The following MEP1A variants were observed in gnomAD, a reference collection of about 807,000 sequenced individuals.
The protein encoded by MEP1A is meprin A subunit alpha.
MEP1A carries 68 observed loss-of-function variants against 84.5 expected under a neutral mutation model. The ratio of observed to expected loss-of-function variants is 0.80; its 90% confidence interval spans 0.66 to 0.98. The LOEUF (loss-of-function observed/expected upper bound fraction) is 0.98. Ranked by LOEUF, MEP1A falls within the 50% of genes least tolerant of loss-of-function variation. The pLI, the probability that MEP1A is intolerant of heterozygous loss-of-function variation, is 0.00. For synonymous variants in MEP1A, 337 were observed against 336.8 expected, an observed-to-expected ratio of 1.00 and a Z score of -0.01; for missense variants, 887 against 919.9, an observed-to-expected ratio of 0.96 and a Z score of 0.46.
At chr6:46,815,512 C>T (rs1209850546) in intron 6 of MEP1A, among the ~76,000 whole-genome samples, 1 of 152,182 alleles carries the variant, frequency 6.6e-6, no homozygotes. Flanking sequence ...TTGTCCCGGA[C>T]CACGAGCCTC....
At chr6:46,825,596 C>A in intron 8 of MEP1A, 103 bp downstream of exon 8, 1 of 796,798 alleles carries the variant, frequency 1.3e-6, no homozygotes, top group Non-Finnish European at 2.0e-6. Flanking sequence ...CTTTAATGTA[C>A]TAGCTAAAAG....
chr6:46,834,224 T>TA (rs201534790), intron 11 of MEP1A, among the ~76,000 whole-genome samples: 138 of 149,738 alleles, frequency 9.2e-4, no homozygotes, highest in Admixed American at 2.3e-3. Context: ...CGCCTGGCAC[T>TA]AATTTTTTTT....
intron 5 of MEP1A, among the ~76,000 whole-genome samples, chr6:46,807,808 AAAGAAAG>A (rs1767393546): frequency 1.3e-5 from 2 of 149,016 alleles, no homozygotes; most frequent in South Asian, 4.3e-4. Context: ...AGAAAGAAAG[AAAGAAAG>A]AAAGAAAGAA....
Position 46,829,374 on chromosome 6 carries a change from A to G in MEP1A, c.947A>G (p.Gln316Arg), listed in dbSNP as rs1423599811. ...TCCATAGGTGCCGGCTACTTCATGC[A>G]GTTCAGCACCAGCTCGGGGTCCGCG... ...GQCTGAGYFM[Q>R]FSTSSGSAEE... The change falls in exon 10 of 14, where the codon CAG becomes CGG. Residue 316 changes from glutamine (Q) to arginine (R), a missense_variant. Coordinates refer to ENST00000230588, the MANE Select transcript of MEP1A (RefSeq NM_005588.3). 5 of 1,613,440 alleles carry G rather than the reference A, an allele frequency of 3.1e-6. No individual in the cohort carries two copies. The highest frequency in any genetic ancestry group is 4.5e-5 in the East Asian group (2 of 44,886).
intron 5 of MEP1A, among the ~76,000 whole-genome samples, chr6:46,801,661 G>A (rs965097874): frequency 1.3e-5 from 2 of 151,984 alleles, no homozygotes; most frequent in African/African-American, 4.8e-5. Context: ...TATGGTTTGT[G>A]TTTTTATATT....
intron 9 of MEP1A, among the ~76,000 whole-genome samples, chr6:46,826,953 C>G (rs1244904013): frequency 1.3e-5 from 2 of 152,124 alleles, no homozygotes; most frequent in African/African-American, 2.4e-5. Context: ...TCAATATATC[C>G]AAATAGTAGC....
chr6:46,819,838 G>C, intron 7 of MEP1A, 134 bp downstream of exon 7: 1 of 997,618 alleles, frequency 1.0e-6, no homozygotes, highest in South Asian at 1.6e-5. Flanking sequence ...GTTATGATTT[G>C]TTGGCCCTTT....
chr6:46,795,698 GC>G (rs1357487763), intron 3 of MEP1A, among the ~76,000 whole-genome samples: 1 of 152,092 alleles, frequency 6.6e-6, no homozygotes, highest in Admixed American at 6.6e-5. Context: ...CCTTTGACAG[GC>G]CTCATAACTG....
At position 46,833,115 on chromosome 6, in the gene MEP1A, A is replaced by G. The variant is rs779994313; in HGVS notation, c.1186A>G (p.Lys396Glu). 2 of 1,540,792 alleles carry G rather than the reference A, an allele frequency of 1.3e-6. No homozygotes were observed. ...TTGGAAAATTGCCCATGTGGTGCTC[A>G]AAGAGGAACAGAAGTTTCGCTACCT... ...HNWKIAHVVL[K>E]EEQKFRYLFQ... Residue 396 changes from lysine to glutamate, a missense_variant, in exon 11 of 14, where the codon AAA becomes GAA. Transcript: ENST00000230588.
chr6:46,808,506 A>G (rs1041640415), intron 5 of MEP1A, among the ~76,000 whole-genome samples: 1 of 152,254 alleles, frequency 6.6e-6, no homozygotes, highest in East Asian at 1.9e-4. Context: ...TATTTTATAT[A>G]ACTTGGCTTA....
At chr6:46,797,695 A>T (rs1767074431) in intron 3 of MEP1A, among the ~76,000 whole-genome samples, 1 of 152,118 alleles carries the variant, frequency 6.6e-6, no homozygotes, top group South Asian at 2.1e-4. Context: ...TCACTTGGCC[A>T]CTTGATTACA....
chr6:46,814,850 G>A (rs1339535106), intron 6 of MEP1A, among the ~76,000 whole-genome samples: 1 of 146,872 alleles, frequency 6.8e-6, no homozygotes, highest in East Asian at 2.0e-4. Flanking sequence ...GAGCTACTGG[G>A]CTCTGGGCTG....
At chr6:46,825,635 G>C in intron 8 of MEP1A, 142 bp downstream of exon 8, 1 of 656,154 alleles carries the variant, frequency 1.5e-6, no homozygotes, top group Non-Finnish European at 2.6e-6. Context: ...AACTTTTGTT[G>C]GTCTACCTCT....
At chr6:46,834,216 C>T (rs567370691) in intron 11 of MEP1A, among the ~76,000 whole-genome samples, 2 of 151,402 alleles carry the variant, frequency 1.3e-5, no homozygotes, top group African/African-American at 4.9e-5. Flanking sequence ...AGCCACCACG[C>T]CTGGCACTAA....
intron 7 of MEP1A, among the ~76,000 whole-genome samples, chr6:46,822,608 A>G (rs894843910): frequency 1.3e-5 from 2 of 152,038 alleles, no homozygotes; most frequent in African/African-American, 4.8e-5. Context: ...CAACGGTGCA[A>G]TCTCAGCTCA....
Position 46,826,480 on chromosome 6 carries a change from A to T in MEP1A, c.905A>T (p.His302Leu), listed in dbSNP as rs776229215. Residue 302 changes from histidine (H) to leucine (L), a missense_variant, in exon 9 of 14, where the codon CAC (histidine) becomes CTC (leucine). Transcript: ENST00000230588. ...AGTGCTCAGGCTGGAGAAGTGGATC[A>T]CACCTTGTTGGGACAATGCACAGGT... ...QDSAQAGEVD[H>L]TLLGQCTGAG... The T allele has an allele frequency of 6.3e-7, 1 of 1,594,008 alleles. No individual in the cohort carries two copies. Among genetic ancestry groups the T allele is most frequent in the Non-Finnish European group, 8.5e-7 (1 of 1,170,076 alleles).
chr6:46,829,237 G>A lies in MEP1A; in HGVS notation c.929-119G>A, dbSNP rs1354926666. On this transcript the variant is annotated intron_variant, in intron 9 of 13. Coordinates refer to ENST00000230588, the MANE Select transcript of MEP1A (RefSeq NM_005588.3). ...GTCCTTCTTTTTATTTTCCTCCGAAGAGTTCTAGTTTTTGTTGCCTGGACA... is the reference window on the plus strand; with the variant it reads ...GTCCTTCTTTTTATTTTCCTCCGAAAAGTTCTAGTTTTTGTTGCCTGGACA... The A allele has an allele frequency of 5.3e-6, 4 of 759,322 alleles. No homozygotes were observed. In the Admixed American group the frequency reaches 8.6e-5, roughly 16 times the overall value. 47.0% of individuals were successfully genotyped at this position (759,322 alleles called of 1,614,324 possible).
intron 9 of MEP1A, among the ~76,000 whole-genome samples, chr6:46,828,085 C>T (rs558677787): frequency 1.2e-4 from 18 of 152,264 alleles, no homozygotes; most frequent in South Asian, 2.1e-4. Context: ...TCAAAACCCA[C>T]GGAAATAAAC....
Position 46,796,213 on chromosome 6 carries a change from A to G in MEP1A, c.146-2393A>G, listed in dbSNP as rs187702071. On this transcript the variant is annotated intron_variant, in intron 3 of 13. Transcript: ENST00000230588. ...AGAAATCCAACGGTGGGGGCTCATCAACGGGTGTTGACCAAGCCTTCCAAG... is the reference window on the plus strand; with the variant it reads ...AGAAATCCAACGGTGGGGGCTCATCGACGGGTGTTGACCAAGCCTTCCAAG... 7.7e-3 allele frequency among the ~76,000 whole-genome samples: 1,167 copies of G among 152,262 alleles called. 18 individuals are homozygous for G. Among genetic ancestry groups the G allele is most frequent in the African/African-American group, 0.025 (1,046 of 41,532 alleles).
Sources: gnomAD v4.1 joint callset for allele counts (sites outside exome capture counted in the v4.1 genomes callset) on GRCh38, gnomAD v4.1.1 for gene constraint, MANE v1.5 for transcripts, NCBI Gene and HGNC (gene_info 2026-07-23, HGNC 2026-07-21) for gene names.